The following PLEKHA5 variants were observed in gnomAD, a reference collection of about 807,000 sequenced individuals.
PLEKHA5 encodes pleckstrin homology domain-containing family A member 5.
PLEKHA5 carries 55 observed loss-of-function variants against 181.9 expected under a neutral mutation model. That is an observed-to-expected ratio of 0.30 (90% confidence interval 0.24 to 0.38). The LOEUF is 0.38. PLEKHA5 is among the 10% of genes least tolerant of loss of function. PLEKHA5 has a pLI of 1.00. For synonymous variants in PLEKHA5, 535 were observed against 529.4 expected, an observed-to-expected ratio of 1.01 and a Z score of -0.15; for missense variants, 1,432 against 1,549.5, an observed-to-expected ratio of 0.92 and a Z score of 1.27.
intron 3 of PLEKHA5, among the ~76,000 whole-genome samples, chr12:19,133,208 C>CA (rs1308526118): frequency 6.6e-6 from 1 of 151,840 alleles, no homozygotes; most frequent in African/African-American, 2.4e-5. Flanking sequence ...CAGTCAGTCC[C>CA]AATCTTAAAA....
chr12:19,160,619 T>A (rs2042755721), intron 3 of PLEKHA5, among the ~76,000 whole-genome samples: 1 of 152,150 alleles, frequency 6.6e-6, no homozygotes, highest in South Asian at 2.1e-4. Flanking sequence ...ATTCATAACT[T>A]GATTCACTTA....
At chr12:19,224,463 A>C (rs2059411301) in intron 3 of PLEKHA5, among the ~76,000 whole-genome samples, 1 of 152,144 alleles carries the variant, frequency 6.6e-6, no homozygotes, top group African/African-American at 2.4e-5. Flanking sequence ...TTTTGCTCTT[A>C]CATGGTATAA....
At chr12:19,308,736 C>T (rs2085097839) in intron 15 of PLEKHA5, among the ~76,000 whole-genome samples, 1 of 152,088 alleles carries the variant, frequency 6.6e-6, no homozygotes, top group South Asian at 2.1e-4. Context: ...ATAGTTCCAT[C>T]TGGAAATGAG....
chr12:19,172,213 C>G (rs144109196), intron 3 of PLEKHA5, among the ~76,000 whole-genome samples: 125 of 152,286 alleles, frequency 8.2e-4, no homozygotes, highest in African/African-American at 2.9e-3. Context: ...ACATCAGCAT[C>G]ACTACAAACA....
At chr12:19,284,862 G>A (rs1393158200) in intron 12 of PLEKHA5, among the ~76,000 whole-genome samples, 1 of 152,172 alleles carries the variant, frequency 6.6e-6, no homozygotes, top group Non-Finnish European at 1.5e-5. Flanking sequence ...GAACATGGAA[G>A]GTTGAGGCTG....
At chr12:19,292,944 AAAAG>A (rs1443659857) in intron 15 of PLEKHA5, among the ~76,000 whole-genome samples, 2 of 152,202 alleles carry the variant, frequency 1.3e-5, no homozygotes, top group African/African-American at 2.4e-5. Flanking sequence ...ATCTCAAAAA[AAAAG>A]AAAGTGGCAT....
rs1429255116 is a variant in PLEKHA5, at chr12:19,345,672, AGAATT to A, written c.2663-168_2663-164del. ...CCCAGCTACGAGAGGCTGAGGCACA[AGAATT>A]GCTTGAACCCAGGAGGCGGAGGTTG... On this transcript the variant is annotated intron_variant, in intron 22 of 31. Transcript: ENST00000429027. Among the ~76,000 whole-genome samples, 6 of 152,198 alleles carry A rather than the reference AGAATT, an allele frequency of 3.9e-5. No individual in the cohort carries two copies. In the South Asian group the frequency reaches 8.3e-4, roughly 21 times the overall value.
chr12:19,158,468 G>T (rs1412156418), intron 3 of PLEKHA5, among the ~76,000 whole-genome samples: 1 of 152,168 alleles, frequency 6.6e-6, no homozygotes, highest in Non-Finnish European at 1.5e-5. Flanking sequence ...CTGGTAGCTT[G>T]AAGAATGTGT....
At chr12:19,175,274 A>G (rs185304355) in intron 3 of PLEKHA5, among the ~76,000 whole-genome samples, 46 of 152,338 alleles carry the variant, frequency 3.0e-4, no homozygotes, top group Admixed American at 1.0e-3. Context: ...TGCAAATTTA[A>G]TAGTACAGTA....
At chr12:19,321,499 G>A (rs535092606) in intron 18 of PLEKHA5, 1 of 149,108 alleles carries the variant, frequency 6.7e-6, no homozygotes, top group South Asian at 2.1e-4. Flanking sequence ...AAATAGCTGG[G>A]ATCACGGGAG....
At chr12:19,346,217 G>A (rs576959292) in intron 23 of PLEKHA5, among the ~76,000 whole-genome samples, 1 of 152,290 alleles carries the variant, frequency 6.6e-6, no homozygotes, top group East Asian at 1.9e-4. Context: ...CGATAGATAA[G>A]TTGGTTGTAT....
At chr12:19,144,592 G>A (rs1249289133) in intron 3 of PLEKHA5, among the ~76,000 whole-genome samples, 3 of 152,192 alleles carry the variant, frequency 2.0e-5, no homozygotes, top group Non-Finnish European at 4.4e-5. Flanking sequence ...AGTGTGGGAC[G>A]TAATGTAATG....
chr12:19,158,705 G>T (rs982522668), intron 3 of PLEKHA5, among the ~76,000 whole-genome samples: 4 of 152,098 alleles, frequency 2.6e-5, no homozygotes, highest in African/African-American at 9.7e-5. Context: ...GGAGTTTGTG[G>T]AGTTTTTGAA....
At chr12:19,170,052 G>C (rs1162943756) in intron 3 of PLEKHA5, among the ~76,000 whole-genome samples, 5 of 152,144 alleles carry the variant, frequency 3.3e-5, no homozygotes, top group Non-Finnish European at 1.5e-5. Context: ...AACTGTCCTA[G>C]AGCTGCCTGG....
intron 3 of PLEKHA5, among the ~76,000 whole-genome samples, chr12:19,231,673 C>T (rs910682147): frequency 5.1e-5 from 7 of 136,306 alleles, no homozygotes; most frequent in African/African-American, 7.9e-5. Context: ...TATTCATCAA[C>T]GTGTTCTTGA....
intron 20 of PLEKHA5, among the ~76,000 whole-genome samples, chr12:19,334,648 T>G (rs1452751748): frequency 6.6e-5 from 10 of 151,086 alleles, no homozygotes; most frequent in African/African-American, 2.2e-4. Flanking sequence ...AGAATTAATT[T>G]TTGTTAAAGG....
At chr12:19,303,594 C>T (rs1184328906) in intron 15 of PLEKHA5, 1 of 152,072 alleles carries the variant, frequency 6.6e-6, no homozygotes, top group Admixed American at 6.6e-5. Context: ...CAGGTGTCCA[C>T]ACTAAGTTCA....
intron 3 of PLEKHA5, chr12:19,200,629 C>G: frequency 1.8e-6 from 2 of 1,109,062 alleles, no homozygotes; most frequent in Non-Finnish European, 2.2e-6. Context: ...CTTTTTCTTC[C>G]TCTTCAATCC....
chr12:19,173,001 C>CTTTTTTTTTTTTT (rs2046289449), intron 3 of PLEKHA5, among the ~76,000 whole-genome samples: 1 of 35,066 alleles, frequency 2.9e-5, no homozygotes, highest in Non-Finnish European at 8.1e-5. Context: ...ACTGATTTCC[C>CTTTTTTTTTTTTT]TTTCTTTTTT....
Sources: gnomAD v4.1 joint callset for allele counts (sites outside exome capture counted in the v4.1 genomes callset) on GRCh38, gnomAD v4.1.1 for gene constraint, MANE v1.5 for transcripts, NCBI Gene and HGNC (gene_info 2026-07-23, HGNC 2026-07-21) for gene names.